Variants in CTSC observed in about 807,000 individuals in gnomAD.
The protein encoded by CTSC is cathepsin C.
In CTSC, 37 loss-of-function variants were observed where a neutral mutation model predicts 40.9. That is an observed-to-expected ratio of 0.91 (90% CI 0.70 to 1.19). The LOEUF (loss-of-function observed/expected upper bound fraction) is 1.19, where lower values mean the gene tolerates loss of function less well. CTSC is among the 50% of genes most tolerant of loss of function. CTSC has a pLI of 0.00. For missense variants in CTSC, 594 were observed against 567.3 expected (o/e 1.05, Z -0.48); for synonymous variants, 232 against 207.4 (o/e 1.12, Z -1.02).
Position 88,294,289 on chromosome 11 carries a change from A to G in CTSC, c.1109T>C (p.Met370Thr). The change falls in exon 7 of 7, where the codon ATG becomes ACG. Residue 370 changes from methionine to threonine, a missense_variant. By Grantham distance (81) the Met-to-Thr change is moderately conservative. Coordinates refer to ENST00000227266, the MANE Select transcript of CTSC (RefSeq NM_001814.6). ...MKLELVHHGP[M>T]AVAFEVYDDF... ...ATCATATACTTCAAAAGCAACTGCC[A>G]TGGGCCCATGATGGACCAACTCAAG... 2 of 1,614,114 alleles carry G rather than the reference A, an allele frequency of 1.2e-6. No individual in the cohort carries two copies. The highest frequency in any genetic ancestry group is 1.7e-6 in the Non-Finnish European group (2 of 1,180,018).
At chr11:88,334,560 G>C (rs1036746783) in intron 2 of CTSC, among the ~76,000 whole-genome samples, 3 of 152,112 alleles carry the variant, frequency 2.0e-5, no homozygotes, top group Admixed American at 6.5e-5. Context: ...CATAGTAACT[G>C]CAAGAAAACA....
intron 2 of CTSC, 132 bp from the exon 3 acceptor site, chr11:88,312,686 A>G (rs2134786610): frequency 1.0e-6 from 1 of 979,444 alleles, no homozygotes; most frequent in Non-Finnish European, 1.5e-6. Flanking sequence ...GTTACACTGT[A>G]AGAATTATTC....
intron 2 of CTSC, chr11:88,325,953 A>G: frequency 1.0e-6 from 1 of 992,666 alleles, no homozygotes; most frequent in Non-Finnish European, 1.2e-6. Context: ...GAAAGGAAAG[A>G]CACTCAGGCA....
intron 2 of CTSC, among the ~76,000 whole-genome samples, chr11:88,319,422 A>C (rs1937948193): frequency 6.6e-6 from 1 of 152,086 alleles, no homozygotes; most frequent in African/African-American, 2.4e-5. Flanking sequence ...AATCCTTCTA[A>C]AGCTGTGACA....
intron 2 of CTSC, among the ~76,000 whole-genome samples, chr11:88,331,691 G>A (rs1375691159): frequency 2.6e-5 from 4 of 152,070 alleles, no homozygotes; most frequent in Admixed American, 2.6e-4. Flanking sequence ...ATATAATTAG[G>A]TTATAAGGAC....
At chr11:88,320,897 G>A (rs1156444777) in intron 2 of CTSC, 1 of 892,320 alleles carries the variant, frequency 1.1e-6, no homozygotes, top group Non-Finnish European at 1.3e-6. Context: ...GGAATCAAAT[G>A]GTTAGTAAGA....
In CTSC at chr11:88,293,600, T is replaced by G. The variant is rs1420351363; in HGVS notation, c.*406A>C. 1 of 218,102 alleles carries G rather than the reference T, an allele frequency of 4.6e-6. No homozygotes were observed. The highest frequency in any genetic ancestry group is 2.3e-5 in the African/African-American group (1 of 42,964). The allele number at this position is 218,102 out of a possible 1,614,324, so 13.5% of individuals were successfully genotyped here. ...AAACATAAACTCCATAATGCAGTTA[T>G]TTTTAAAACTTTATTTTAAAAATAT... On this transcript the variant is annotated 3_prime_UTR_variant, in exon 7 of 7. Transcript: ENST00000227266.
intron 2 of CTSC, chr11:88,324,358 G>A (rs879224149): frequency 8.2e-6 from 8 of 980,886 alleles, no homozygotes; most frequent in South Asian, 9.4e-5. Context: ...AGTTGCTTTG[G>A]TTATATTTAC....
intron 4 of CTSC, 122 bp downstream of exon 4, chr11:88,309,041 C>A (rs755589437): frequency 2.1e-5 from 17 of 796,166 alleles, no homozygotes; most frequent in Non-Finnish European, 3.0e-5. Flanking sequence ...TAACAGATCA[C>A]ATAAAAAGTT....
Position 88,298,812 on chromosome 11 carries a change from AC to A in CTSC, c.757+1717del, listed in dbSNP as rs1306648432. 6 of 152,336 alleles carry A rather than the reference AC, an allele frequency of 3.9e-5. No individual in the cohort carries two copies. In the South Asian group the frequency reaches 1.0e-3, roughly 26 times the overall value. 9.4% of individuals were successfully genotyped at this position (152,336 alleles called of 1,614,324 possible). ...AACATGGGAGAAAATAACAGCTTTTACCAAGCTATATGAAAACCAATGTCAA... is the reference window on the plus strand; with the variant it reads ...AACATGGGAGAAAATAACAGCTTTTACAAGCTATATGAAAACCAATGTCAA... On this transcript the variant is annotated intron_variant, in intron 5 of 6. Coordinates refer to ENST00000227266, the MANE Select transcript of CTSC (RefSeq NM_001814.6).
chr11:88,312,667 C>T (rs1009589031), intron 2 of CTSC, 113 bp from the exon 3 acceptor site: 7 of 1,164,530 alleles, frequency 6.0e-6, no homozygotes, highest in Non-Finnish European at 8.8e-6. Flanking sequence ...AAAAACTTCA[C>T]CCTGAGAGGT....
At chr11:88,295,307 C>T (rs960009534) in intron 6 of CTSC, among the ~76,000 whole-genome samples, 4 of 152,052 alleles carry the variant, frequency 2.6e-5, no homozygotes, top group African/African-American at 9.7e-5. Flanking sequence ...AAAATGGTAA[C>T]GTTTCTCCCT....
chr11:88,328,236 G>C, intron 2 of CTSC: 1 of 1,410,208 alleles, frequency 7.1e-7, no homozygotes, highest in South Asian at 1.2e-5. Context: ...TCATTATGTT[G>C]AGATTAAGCA....
rs1249209863 is a variant in CTSC at position 88,312,466 on chromosome 11, C to T, written c.407G>A (p.Cys136Tyr). Residue 136 changes from cysteine (C) to tyrosine (Y), a missense_variant, in exon 3 of 7, where the codon TGT becomes TAT. Cys to Tyr is a radical substitution (Grantham distance 194). Transcript: ENST00000227266. ...VHDVLGRNWA[C>Y]FTGKKVGTAS... ...AGTTCCCACCTTCTTTCCGGTGAAA[C>T]AAGCCCAGTTCCGGCCCAACACATC... The T allele has an allele frequency of 6.2e-7, 1 of 1,614,184 alleles. No homozygotes were observed. The highest frequency in any genetic ancestry group is 1.1e-5 in the South Asian group (1 of 91,088).
intron 2 of CTSC, among the ~76,000 whole-genome samples, chr11:88,319,807 A>T (rs1352541193): frequency 6.6e-6 from 1 of 152,214 alleles, no homozygotes; most frequent in Non-Finnish European, 1.5e-5. Context: ...AGTCTAATCC[A>T]TCAAGATGAT....
chr11:88,332,259 T>C (rs217069), intron 2 of CTSC, among the ~76,000 whole-genome samples: 41,263 of 152,100 alleles, frequency 0.27, 6,603 homozygotes, highest in East Asian at 0.56. Context: ...TGTTTTCTCT[T>C]TTTACAAAAA....
chr11:88,335,228 G>C, intron 1 of CTSC, 146 bp from the exon 2 acceptor site: 1 of 661,322 alleles, frequency 1.5e-6, no homozygotes, highest in Non-Finnish European at 2.6e-6. Context: ...GAAACCAGAG[G>C]CTCCATCTTG....
intron 2 of CTSC, among the ~76,000 whole-genome samples, chr11:88,314,989 A>G (rs1937844155): frequency 6.6e-6 from 1 of 152,200 alleles, no homozygotes; most frequent in African/African-American, 2.4e-5. Context: ...GCAATATGAG[A>G]GGGTGTGTTG....
intron 2 of CTSC, chr11:88,325,165 G>A: frequency 1.0e-6 from 1 of 984,468 alleles, no homozygotes. Flanking sequence ...ATAGCAATCA[G>A]TTGAACAATA....
Sources: gnomAD v4.1 joint callset for allele counts (sites outside exome capture counted in the v4.1 genomes callset) on GRCh38, gnomAD v4.1.1 for gene constraint, MANE v1.5 for transcripts, NCBI Gene and HGNC (gene_info 2026-07-23, HGNC 2026-07-21) for gene names.